The following NAT1 variants were observed in gnomAD, a reference collection of about 807,000 sequenced individuals.
NAT1 encodes N-acetyltransferase 1, also known as arylamine N-acetyltransferase 1.
For synonymous variants in NAT1, 144 were observed against 122.6 expected, an observed-to-expected ratio of 1.17 and a Z score of -1.16; for missense variants, 400 against 339.2, an observed-to-expected ratio of 1.18 and a Z score of -1.41.
chr8:18,190,164 T>C (rs576490865), intron 2 of NAT1, among the ~76,000 whole-genome samples: 7 of 152,236 alleles, frequency 4.6e-5, no homozygotes, highest in Non-Finnish European at 7.3e-5. Flanking sequence ...ATGAGTGAGA[T>C]GATCTTAATC....
chr8:18,171,148 G>C (rs1802081895), intron 2 of NAT1, among the ~76,000 whole-genome samples: 1 of 152,176 alleles, frequency 6.6e-6, no homozygotes, highest in Non-Finnish European at 1.5e-5. Context: ...GGAGGCCTCA[G>C]TCTGACTGGG....
rs1182959056 is a variant in NAT1 at position 18,182,106 on chromosome 8, AC to A, written n.92+11369del. 2.0e-5 allele frequency among the ~76,000 whole-genome samples: 3 copies of A among 152,132 alleles called. No individual in the cohort carries two copies. The East Asian group carries it at 5.8e-4, about 29-fold the overall frequency. On this transcript the variant is annotated intron_variant and non_coding_transcript_variant, in intron 2 of 4. Transcript: ENST00000517441. Reference sequence around the variant, plus strand: ...TTGGCAATGAGTGATTATCCTTCTTACCTTCTTCAGTGTGTATCTCTTCTTG... The same window carrying A: ...TTGGCAATGAGTGATTATCCTTCTTACTTCTTCAGTGTGTATCTCTTCTTG...
At chr8:18,186,103 T>C (rs772114416) in intron 2 of NAT1, among the ~76,000 whole-genome samples, 1 of 152,190 alleles carries the variant, frequency 6.6e-6, no homozygotes, top group Non-Finnish European at 1.5e-5. Context: ...TGAAGTTTTC[T>C]ACATATGTTC....
chr8:18,202,488 C>T (rs112480497), intron 2 of NAT1, among the ~76,000 whole-genome samples: 147 of 152,308 alleles, frequency 9.7e-4, no homozygotes, highest in Middle Eastern at 3.4e-3. Context: ...CGGACCTTTG[C>T]GGTGAGTGTT....
Position 18,222,151 on chromosome 8 carries a change from T to C in NAT1, c.104T>C (p.Val35Ala). The change falls in exon 3 of 3, where the codon GTT becomes GCT. Residue 35 changes from valine to alanine, a missense_variant. Transcript: ENST00000307719. ...TDILQHQIRAVPFENLNIHCG... is the reference protein window; with the variant it reads ...TDILQHQIRAAPFENLNIHCG... ...ATTCTTCAACACCAGATCCGAGCTGTTCCCTTTGAGAACCTTAACATCCAT... is the reference window on the plus strand; with the variant it reads ...ATTCTTCAACACCAGATCCGAGCTGCTCCCTTTGAGAACCTTAACATCCAT... The C allele has an allele frequency of 6.2e-7, 1 of 1,614,114 alleles. No homozygotes were observed. Among genetic ancestry groups the C allele is most frequent in the Non-Finnish European group, 8.5e-7 (1 of 1,179,994 alleles).
upstream of NAT1, among the ~76,000 whole-genome samples, chr8:18,209,141 C>A (rs530618186): frequency 6.6e-6 from 1 of 152,192 alleles, no homozygotes; most frequent in African/African-American, 2.4e-5. Context: ...GATATGTGGC[C>A]TCCAACTCCC....
chr8:18,179,131 C>T (rs17126326), intron 2 of NAT1, among the ~76,000 whole-genome samples: 39,387 of 151,958 alleles, frequency 0.26, 5,688 homozygotes, highest in African/African-American at 0.37. Flanking sequence ...TCTCCATCTA[C>T]TGCACAGTAT....
At chr8:18,211,788 A>T (rs1804131756) in intron 1 of NAT1, among the ~76,000 whole-genome samples, 1 of 148,770 alleles carries the variant, frequency 6.7e-6, no homozygotes, top group South Asian at 2.2e-4. Flanking sequence ...ATGGTGGTAG[A>T]GGCAAAAGAA....
rs563500369 is a variant in NAT1, at chr8:18,212,303, C to A, written c.-86+2123C>A. ...AACTAAACAATATTCATGAACTCTG[C>A]AGAAAAACACCAGCATTTTGCTCAA... On this transcript the variant is annotated intron_variant, in intron 1 of 2. Coordinates refer to ENST00000307719, the MANE Select transcript of NAT1 (RefSeq NM_000662.8). The A allele has an allele frequency of 6.6e-5, 10 of 152,208 alleles. No homozygotes were observed. The East Asian group carries it at 1.3e-3, about 20-fold the overall frequency. 9.4% of individuals were successfully genotyped at this position (152,208 alleles called of 1,614,324 possible).
rs1171885310 is a variant in NAT1 at position 18,222,696 on chromosome 8, T to G, written c.649T>G (p.Phe217Val). 1.2e-6 allele frequency: 2 copies of G among 1,614,058 alleles called. No individual in the cohort carries two copies. ...CCTGCAGACATCTCCATCATCTGTG[T>G]TTACTAGTAAATCATTTTGTTCCTT... ...TYLQTSPSSV[F>V]TSKSFCSLQT... The change falls in exon 3 of 3, where the codon TTT becomes GTT. Residue 217 changes from phenylalanine to valine, a missense_variant. By Grantham distance (50) the Phe-to-Val change is conservative. Transcript: ENST00000307719.
chr8:18,188,978 G>A (rs1802859561), intron 2 of NAT1, among the ~76,000 whole-genome samples: 1 of 110,748 alleles, frequency 9.0e-6, no homozygotes, highest in Admixed American at 1.3e-4. Flanking sequence ...CTGGGTGACA[G>A]AGAGAGACTC....
chr8:18,210,036 A>C (rs1299857610), upstream of NAT1: 2 of 152,102 alleles, frequency 1.3e-5, no homozygotes, highest in Non-Finnish European at 2.9e-5. Context: ...GGTAACCCTA[A>C]TGTGACTCTG....
upstream of NAT1, among the ~76,000 whole-genome samples, chr8:18,206,798 A>C (rs1723944164): frequency 6.6e-6 from 1 of 152,090 alleles, no homozygotes; most frequent in African/African-American, 2.4e-5. Flanking sequence ...CTTTTGCTTT[A>C]ATTAGAAATT....
chr8:18,180,234 T>A (rs770790061), intron 2 of NAT1, among the ~76,000 whole-genome samples: 1 of 152,000 alleles, frequency 6.6e-6, no homozygotes, highest in African/African-American at 2.4e-5. Flanking sequence ...CAGGGTGGTG[T>A]TGAGTTAGGA....
intron 2 of NAT1, 111 bp downstream of exon 2, chr8:18,219,600 A>C: frequency 1.7e-6 from 1 of 600,566 alleles, no homozygotes; most frequent in East Asian, 2.9e-5. Context: ...GTATCACTGC[A>C]CAGAGATTCT....
chr8:18,200,235 T>C (rs1444663647), intron 2 of NAT1, among the ~76,000 whole-genome samples: 1 of 152,128 alleles, frequency 6.6e-6, no homozygotes, highest in Non-Finnish European at 1.5e-5. Flanking sequence ...TAAAGACACA[T>C]GCATGCACGT....
intron 2 of NAT1, among the ~76,000 whole-genome samples, chr8:18,198,731 G>A (rs1211957011): frequency 1.3e-5 from 2 of 152,156 alleles, no homozygotes; most frequent in Admixed American, 6.5e-5. Context: ...ATAAAGCTAA[G>A]TAGCATATCC....
intron 2 of NAT1, among the ~76,000 whole-genome samples, chr8:18,174,635 T>C (rs1229840631): frequency 6.6e-6 from 1 of 152,082 alleles, no homozygotes; most frequent in Admixed American, 6.6e-5. Context: ...AACCCAGCTT[T>C]AGAGGGCGGT....
intron 2 of NAT1, among the ~76,000 whole-genome samples, chr8:18,183,642 A>T (rs1318099701): frequency 1.3e-5 from 2 of 152,216 alleles, no homozygotes; most frequent in East Asian, 3.9e-4. Flanking sequence ...TATGGGTGAG[A>T]CTGAAGCATG....
Sources: allele counts gnomAD v4.1 joint callset (sites outside exome capture counted in the v4.1 genomes callset), GRCh38; gene constraint gnomAD v4.1.1; transcripts MANE v1.5; gene names NCBI Gene and HGNC (gene_info 2026-07-23, HGNC 2026-07-21).